Variants in HERC1 observed in about 807,000 individuals in gnomAD.
HERC1 encodes probable E3 ubiquitin-protein ligase HERC1.
A neutral mutation model predicts 554.3 loss-of-function variants in HERC1; 160 were observed. The observed-to-expected ratio is 0.29, with a 90% CI of 0.25 to 0.33. The LOEUF (loss-of-function observed/expected upper bound fraction) is 0.33, where lower values mean the gene tolerates loss of function less well. HERC1 is among the 10% of genes least tolerant of loss of function. The probability of loss-of-function intolerance (pLI) is 1.00; values close to 1 mark genes in which losing one functional copy is unlikely to be tolerated. For missense variants in HERC1, 4,919 were observed against 5,918.5 expected (o/e 0.83, Z 5.54); for synonymous variants, 2,175 against 2,131.7 (o/e 1.02, Z -0.56).
At chr15:63,702,076 T>G (rs2072750039) in intron 25 of HERC1, among the ~76,000 whole-genome samples, 1 of 152,176 alleles carries the variant, frequency 6.6e-6, no homozygotes, top group East Asian at 1.9e-4. Flanking sequence ...AGAGCTGCAA[T>G]ACATACTTTA....
intron 2 of HERC1, among the ~76,000 whole-genome samples, chr15:63,768,549 C>T (rs979175073): frequency 6.6e-6 from 1 of 152,208 alleles, no homozygotes; most frequent in Non-Finnish European, 1.5e-5. Flanking sequence ...TGAGAAAAAT[C>T]GCAATTGTGA....
chr15:63,624,036 GTAAGTACTAT>G, intron 72 of HERC1, 112 bp downstream of exon 72: 1 of 1,227,482 alleles, frequency 8.1e-7, no homozygotes, highest in Non-Finnish European at 1.2e-6. Flanking sequence ...AGGTACTAAT[GTAAGTACTAT>G]TACTATCTAC....
chr15:63,782,845 G>A (rs1283379527), intron 1 of HERC1, among the ~76,000 whole-genome samples: 1 of 152,190 alleles, frequency 6.6e-6, no homozygotes, highest in African/African-American at 2.4e-5. Flanking sequence ...AACCCCTACG[G>A]ATGACTTTGA....
intron 12 of HERC1, among the ~76,000 whole-genome samples, chr15:63,741,173 C>T (rs1211932300): frequency 6.6e-5 from 10 of 151,916 alleles, no homozygotes; most frequent in African/African-American, 2.4e-4. Context: ...GGATTACAGG[C>T]GTGCACCTCC....
Position 63,648,152 on chromosome 15 carries a change from C to G in HERC1, c.10795G>C (p.Val3599Leu), listed in dbSNP as rs372626972. ...AWFSEDRPFA[V>L]GYFDGKLLLG... Reference sequence around the variant, plus strand: ...AACAGTTTTCCATCAAAATATCCCACTGCAAATGGTCTGTCTTCACTGAAC... The same window carrying G: ...AACAGTTTTCCATCAAAATATCCCAGTGCAAATGGTCTGTCTTCACTGAAC... Residue 3599 changes from valine (V) to leucine (L), a missense_variant, in exon 55 of 78, where the codon GTG (valine) becomes CTG (leucine). Val to Leu is a conservative substitution (Grantham distance 32, BLOSUM62 1). Transcript: ENST00000443617. 134 of 1,598,204 alleles carry G rather than the reference C, an allele frequency of 8.4e-5. No individual in the cohort carries two copies. Among genetic ancestry groups the G allele is most frequent in the Non-Finnish European group, 1.0e-4 (121 of 1,171,278 alleles).
chr15:63,734,911 C>T lies in HERC1; in HGVS notation c.2521-62G>A. The T allele has an allele frequency of 6.9e-7, 1 of 1,440,212 alleles. No individual in the cohort carries two copies. 89.2% of individuals were successfully genotyped at this position (1,440,212 alleles called of 1,614,324 possible). On this transcript the variant is annotated intron_variant, in intron 12 of 77. Coordinates refer to ENST00000443617, the MANE Select transcript of HERC1 (RefSeq NM_003922.4). The surrounding 1 kb of genome is among the most constrained non-coding windows in gnomAD (Gnocchi z 4.6). ...GTTCTTAGTTTTTAATAAAAACACACTTAAAGCGAACTCACTGACTACTAG... is the reference window on the plus strand; with the variant it reads ...GTTCTTAGTTTTTAATAAAAACACATTTAAAGCGAACTCACTGACTACTAG...
In HERC1 at chr15:63,665,911, A is replaced by T; in HGVS notation, c.8555+8T>A. 1 of 1,601,886 alleles carries T rather than the reference A, an allele frequency of 6.2e-7. No homozygotes were observed. The highest frequency in any genetic ancestry group is 8.5e-7 in the Non-Finnish European group (1 of 1,170,048). Reference sequence around the variant, plus strand: ...CATGGAACAAAAGTACAGAAACTGGAATTTCACCTTTCACTAAAACCTTCC... The same window carrying T: ...CATGGAACAAAAGTACAGAAACTGGTATTTCACCTTTCACTAAAACCTTCC... On this transcript the variant is annotated splice_region_variant and intron_variant, in intron 42 of 77. Transcript: ENST00000443617.
At chr15:63,686,038 A>G (rs1256327361) in intron 34 of HERC1, among the ~76,000 whole-genome samples, 1 of 152,216 alleles carries the variant, frequency 6.6e-6, no homozygotes, top group East Asian at 1.9e-4. Flanking sequence ...GCTTTCCTAG[A>G]CAAAAACATC....
intron 43 of HERC1, among the ~76,000 whole-genome samples, chr15:63,663,430 G>C (rs757507167): frequency 1.3e-5 from 2 of 152,130 alleles, no homozygotes. Context: ...GTTTAAGTAA[G>C]AGAATCCATG....
chr15:63,803,114 A>T (rs1054726590), intron 1 of HERC1, among the ~76,000 whole-genome samples: 1 of 152,160 alleles, frequency 6.6e-6, no homozygotes, highest in Non-Finnish European at 1.5e-5. Flanking sequence ...CTGAGATGGG[A>T]GGATCGCTTA....
In HERC1 at chr15:63,663,053, T is replaced by C. The variant is rs1595918910; in HGVS notation, c.8832A>G (p.Gly2944=). 17 of 1,613,948 alleles carry C rather than the reference T, an allele frequency of 1.1e-5. No homozygotes were observed. The East Asian group carries it at 3.6e-4, about 34-fold the overall frequency. Residue 2944 remains glycine, a synonymous_variant, in exon 44 of 78, where the codon GGA becomes GGG. Transcript: ENST00000443617. ...TATCATTGTCACTGGTCAGGTCTTG[T>C]CCAAACATAGCTTCCATCGCCTCAT... ...LDDEAMEAMF[G]QDLTSDNDIL...
At position 63,801,431 on chromosome 15, in the gene HERC1, TG is replaced by T. The variant is rs1201844838; in HGVS notation, c.-26-25783del. Among the ~76,000 whole-genome samples, 5 of 152,314 alleles carry T rather than the reference TG, an allele frequency of 3.3e-5. No homozygotes were observed. In the South Asian group the frequency reaches 1.0e-3, roughly 32 times the overall value. On this transcript the variant is annotated intron_variant, in intron 1 of 77. Coordinates refer to ENST00000443617, the MANE Select transcript of HERC1 (RefSeq NM_003922.4). ...GAAATGAACTGCAGGGACAGCCCGT[TG>T]GTATCTGGAAAGTTGAAGAACTGAT...
Position 63,718,426 on chromosome 15 carries a change from T to G in HERC1, c.3978+148A>C, listed in dbSNP as rs1326328041. ...TTAAGTAAATCTCAAATCTTTTCCT[T>G]TTTTTTTTTCTGCTAGGAAAAGAAC... is the stretch of plus-strand genomic sequence containing the variant. On this transcript the variant is annotated intron_variant, in intron 21 of 77. Coordinates refer to ENST00000443617, the MANE Select transcript of HERC1 (RefSeq NM_003922.4). This position sits in a 1 kb window ranked among gnomAD's most constrained non-coding sequence, Gnocchi z 4.2. 1 of 651,054 alleles carries G rather than the reference T, an allele frequency of 1.5e-6. No individual in the cohort carries two copies. Among genetic ancestry groups the G allele is most frequent in the African/African-American group, 1.9e-5 (1 of 53,052 alleles). 40.3% of individuals were successfully genotyped at this position (651,054 alleles called of 1,614,324 possible).
At chr15:63,777,644 T>C (rs933646267) in intron 1 of HERC1, among the ~76,000 whole-genome samples, 1 of 152,242 alleles carries the variant, frequency 6.6e-6, no homozygotes, top group Admixed American at 6.5e-5. Context: ...TATCACAGTC[T>C]GTCCTCAACA....
At chr15:63,750,365 C>G (rs757095410) in intron 8 of HERC1, among the ~76,000 whole-genome samples, 15 of 151,948 alleles carry the variant, frequency 9.9e-5, no homozygotes, top group Non-Finnish European at 2.1e-4. Flanking sequence ...GAATCACTAA[C>G]TGATTTAAGA....
At chr15:63,729,861 T>C (rs1376813613) in intron 14 of HERC1, among the ~76,000 whole-genome samples, 1 of 151,470 alleles carries the variant, frequency 6.6e-6, no homozygotes, top group African/African-American at 2.4e-5. Context: ...TGGTCTCTAC[T>C]AAAAAATACA....
At chr15:63,615,182 G>T (rs1331202045) in intron 76 of HERC1, among the ~76,000 whole-genome samples, 1 of 152,178 alleles carries the variant, frequency 6.6e-6, no homozygotes, top group Non-Finnish European at 1.5e-5. Context: ...GAGTAAGGAG[G>T]AGTAAGAAGG....
intron 64 of HERC1, among the ~76,000 whole-genome samples, chr15:63,636,660 G>A (rs1297019687): frequency 2.6e-5 from 4 of 152,166 alleles, no homozygotes; most frequent in African/African-American, 4.8e-5. Context: ...CAAGGAAAAC[G>A]AGGATGACAG....
At chr15:63,626,334 CT>C (rs1171602553) in intron 70 of HERC1, among the ~76,000 whole-genome samples, 180 bp from the exon 71 acceptor site, 2 of 152,118 alleles carry the variant, frequency 1.3e-5, no homozygotes, top group African/African-American at 2.4e-5. Context: ...TTTAAAATGT[CT>C]TTATCAGGGG....
Sources: gnomAD v4.1 joint callset for allele counts (sites outside exome capture counted in the v4.1 genomes callset) on GRCh38, gnomAD v4.1.1 for gene constraint, Gnocchi (gnomAD v3.1) non-coding constraint, MANE v1.5 for transcripts, NCBI Gene and HGNC (gene_info 2026-07-23, HGNC 2026-07-21) for gene names.